COL4A3: variants seen among roughly 807,000 people sequenced by gnomAD.
The protein encoded by COL4A3 is collagen alpha-3(IV) chain.
A neutral mutation model predicts 217.4 loss-of-function variants in COL4A3; 135 were observed. That is an observed-to-expected ratio of 0.62 (90% CI 0.54 to 0.72). COL4A3 has a LOEUF of 0.72. Ranked by LOEUF, COL4A3 falls within the 30% of genes least tolerant of loss-of-function variation. The pLI is 0.00. For missense variants in COL4A3, 1,868 were observed against 2,119.9 expected (o/e 0.88, Z 2.33); for synonymous variants, 690 against 736.3 (o/e 0.94, Z 1.02).
At chr2:227,229,122 A>G (rs1234429253) in intron 1 of COL4A3, among the ~76,000 whole-genome samples, 2 of 152,202 alleles carry the variant, frequency 1.3e-5, no homozygotes, top group East Asian at 1.9e-4. Context: ...ACTTTGCCTC[A>G]TAAGAGAAAG....
chr2:227,277,920 CA>C (rs67619387), intron 28 of COL4A3, among the ~76,000 whole-genome samples: 120,293 of 149,036 alleles, frequency 0.81, 48,851 homozygotes, highest in Non-Finnish European at 0.88. Context: ...GACTCTGTCT[CA>C]AAAAAAAAAA....
At chr2:227,241,727 T>C (rs1006528855) in intron 3 of COL4A3, among the ~76,000 whole-genome samples, 2 of 152,060 alleles carry the variant, frequency 1.3e-5, no homozygotes, top group African/African-American at 4.8e-5. Context: ...ATGTATGAAA[T>C]ATGTAAATGA....
intron 8 of COL4A3, 167 bp from the exon 9 acceptor site, chr2:227,248,276 C>A: frequency 1.5e-6 from 1 of 651,764 alleles, no homozygotes; most frequent in East Asian, 2.9e-5. Context: ...TATGAAAATG[C>A]TTTGAATTCT....
chr2:227,246,027 T>C lies in COL4A3; in HGVS notation c.387+11T>C. On this transcript the variant is annotated intron_variant, in intron 6 of 51. Coordinates refer to ENST00000396578, the MANE Select transcript of COL4A3 (RefSeq NM_000091.5). Reference sequence around the variant, plus strand: ...TGCAGTGGTTCTAAGGTAAGTACTTTTCACACAGAAGATGATTAATAAATG... The same window carrying C: ...TGCAGTGGTTCTAAGGTAAGTACTTCTCACACAGAAGATGATTAATAAATG... 1 of 1,598,358 alleles carries C rather than the reference T, an allele frequency of 6.3e-7. No homozygotes were observed. The highest frequency in any genetic ancestry group is 8.6e-7 in the Non-Finnish European group (1 of 1,165,696).
chr2:227,262,020 A>T (rs1298514327), intron 20 of COL4A3, among the ~76,000 whole-genome samples: 1 of 152,200 alleles, frequency 6.6e-6, no homozygotes, highest in Non-Finnish European at 1.5e-5. Flanking sequence ...CCTGCCACTG[A>T]TCATATTTTT....
At chr2:227,247,476 T>G in intron 7 of COL4A3, 82 bp from the exon 8 acceptor site, 1 of 1,330,432 alleles carries the variant, frequency 7.5e-7, no homozygotes, top group Non-Finnish European at 1.1e-6. Flanking sequence ...GGATACACAA[T>G]AGCAGAGAGG....
intron 41 of COL4A3, 49 bp from the exon 42 acceptor site, chr2:227,297,625 C>A (rs1227895927): frequency 6.4e-7 from 1 of 1,554,148 alleles, no homozygotes. Flanking sequence ...AGAACTCTAA[C>A]CCAAGCATAT....
rs112197903 is a variant in COL4A3 at position 227,287,717 on chromosome 2, T to C, written c.2882-1433T>C. The stretch of plus-strand genomic sequence containing the variant: ...CCTTCTTCACCCAATTAGTTTTCAT[T>C]TGGTCTTCAAGACTGAGCTAAAAAA... On this transcript the variant is annotated intron_variant, in intron 34 of 51. Transcript: ENST00000396578. 4.6e-5 allele frequency among the ~76,000 whole-genome samples: 7 copies of C among 152,328 alleles called. No homozygotes were observed. The East Asian group carries it at 1.4e-3, about 29-fold the overall frequency.
chr2:227,203,575 G>C (rs372564140), intron 1 of COL4A3, among the ~76,000 whole-genome samples: 1 of 4,988 alleles, frequency 2.0e-4, no homozygotes, highest in Non-Finnish European at 3.1e-4. Context: ...ACATATATGT[G>C]TGTATATATG....
intron 34 of COL4A3, among the ~76,000 whole-genome samples, chr2:227,287,152 C>T (rs189321224): frequency 1.1e-3 from 164 of 152,148 alleles, no homozygotes; most frequent in African/African-American, 3.8e-3. Context: ...ATGTAAAAAC[C>T]GCCAGGCGTG....
chr2:227,239,713 G>T (rs953395914), intron 2 of COL4A3, among the ~76,000 whole-genome samples: 1 of 152,162 alleles, frequency 6.6e-6, no homozygotes, highest in East Asian at 1.9e-4. Flanking sequence ...GCCTGGTGGC[G>T]TTCTTTCAAG....
At position 227,280,460 on chromosome 2, in the gene COL4A3, G is replaced by A. The variant is rs748037608; in HGVS notation, c.2244G>A (p.Met748Ile). The stretch of plus-strand genomic sequence containing the variant: ...TGTAGGGAGAACCAGCAGTAGCCAT[G>A]CCTGGAGGACCAGGAACACCAGGTT... The part of the protein sequence containing the change: ...PGAKGEPAVA[M>I]PGGPGTPGFP... The change falls in exon 30 of 52, where the codon ATG (methionine) becomes ATA (isoleucine). Residue 748 changes from methionine to isoleucine, a missense_variant. Met to Ile is a conservative substitution (Grantham distance 10). This residue lies in a region of COL4A3 where 1,503 missense variants were observed against 1,786.1 expected (regional missense o/e 0.84). Transcript: ENST00000396578. 6.2e-7 allele frequency: 1 copy of A among 1,614,156 alleles called. No individual in the cohort carries two copies. Among genetic ancestry groups the A allele is most frequent in the East Asian group, 2.2e-5 (1 of 44,886 alleles).
intron 1 of COL4A3, among the ~76,000 whole-genome samples, chr2:227,229,370 A>G (rs918867910): frequency 6.6e-6 from 1 of 152,214 alleles, no homozygotes; most frequent in African/African-American, 2.4e-5. Context: ...TGGTTAATCA[A>G]CCAATATAGT....
At chr2:227,230,131 G>A (rs1039709980) in intron 1 of COL4A3, among the ~76,000 whole-genome samples, 4 of 151,830 alleles carry the variant, frequency 2.6e-5, no homozygotes, top group African/African-American at 4.8e-5. Flanking sequence ...AGATGGGTCC[G>A]TATATATTCA....
rs1338858067 is a variant in COL4A3, at chr2:227,164,868, TC to T, written c.87+57del. 7.0e-7 allele frequency: 1 copy of T among 1,428,318 alleles called. No homozygotes were observed. Among genetic ancestry groups the T allele is most frequent in the Non-Finnish European group, 9.1e-7 (1 of 1,096,634 alleles). The allele number at this position is 1,428,318 out of a possible 1,614,324, so 88.5% of individuals were successfully genotyped here. ...CGCACTTCCATCCCTCCTCCACGCG[TC>T]CGGGGGACGCGCTGGCCCCACCCGC... On this transcript the variant is annotated intron_variant, in intron 1 of 51. Transcript: ENST00000396578. The surrounding 1 kb of genome is among the most constrained non-coding windows in gnomAD (Gnocchi z 4.8).
chr2:227,304,922 G>T, intron 46 of COL4A3, 63 bp from the exon 47 acceptor site: 1 of 1,356,678 alleles, frequency 7.4e-7, no homozygotes, highest in Non-Finnish European at 1.0e-6. Context: ...TTAACGGGAT[G>T]GTTGGCCACC....
At position 227,283,778 on chromosome 2, in the gene COL4A3, G is replaced by A; in HGVS notation, c.2668G>A (p.Val890Met). Residue 890 changes from valine to methionine, a missense_variant, in exon 33 of 52, where the codon GTG becomes ATG. By Grantham distance (21) the Val-to-Met change is conservative. Coordinates refer to ENST00000396578, the MANE Select transcript of COL4A3 (RefSeq NM_000091.5). ...GILGPPGEDG[V>M]IGMMGFPGAI... ...ATTTGTTTCCATAGGTGAAGATGGA[G>A]TGATTGGGATGATGGGCTTTCCTGG... 6.2e-7 allele frequency: 1 copy of A among 1,614,172 alleles called. No homozygotes were observed. Among genetic ancestry groups the A allele is most frequent in the Non-Finnish European group, 8.5e-7 (1 of 1,179,978 alleles).
At chr2:227,167,326 T>G (rs746544016) in intron 1 of COL4A3, among the ~76,000 whole-genome samples, 1 of 152,304 alleles carries the variant, frequency 6.6e-6, no homozygotes, top group African/African-American at 2.4e-5. Context: ...CCCACACAAT[T>G]TGGACTGATG....
At chr2:227,202,763 A>ATATATTATATATATG (rs1553738334) in intron 1 of COL4A3, among the ~76,000 whole-genome samples, 1 of 109,632 alleles carries the variant, frequency 9.1e-6, no homozygotes. Flanking sequence ...ATATATATAT[A>ATATATTATATATATG]TATATATATC....
Sources: allele counts gnomAD v4.1 joint callset (sites outside exome capture counted in the v4.1 genomes callset), GRCh38; gene constraint gnomAD v4.1.1; regional missense constraint gnomAD v4.1.1; non-coding constraint Gnocchi (gnomAD v3.1); transcripts MANE v1.5; gene names NCBI Gene and HGNC (gene_info 2026-07-23, HGNC 2026-07-21).